COL24A1: variants seen among roughly 807,000 people sequenced by gnomAD.
COL24A1 encodes the protein collagen type XXIV alpha 1 chain.
Under a neutral mutation model 253.9 loss-of-function variants are expected in COL24A1, and 224 were observed. That is an observed-to-expected ratio of 0.88 (90% CI 0.79 to 0.99). The LOEUF (loss-of-function observed/expected upper bound fraction) is 0.99, where lower values mean the gene tolerates loss of function less well. COL24A1 is among the 50% of genes least tolerant of loss of function. The pLI, the probability that COL24A1 is intolerant of heterozygous loss-of-function variation, is 0.00. For missense variants in COL24A1, 2,131 were observed against 2,068.5 expected, an observed-to-expected ratio of 1.03 and a Z score of -0.59; for synonymous variants, 685 against 673.7, an observed-to-expected ratio of 1.02 and a Z score of -0.26.
chr1:85,924,884 C>T (rs1037453404), intron 24 of COL24A1, among the ~76,000 whole-genome samples: 2 of 152,146 alleles, frequency 1.3e-5, no homozygotes, highest in African/African-American at 2.4e-5. Context: ...GTGAAATTGT[C>T]CATGTTTGCA....
chr1:86,089,194 G>C lies in COL24A1; in HGVS notation c.1687C>G (p.Pro563Ala). 1 of 1,585,272 alleles carries C rather than the reference G, an allele frequency of 6.3e-7. No homozygotes were observed. ...DQGLSGLMGP[P>A]GMQGDKGLKG... ...CTTACCTTATCACCTTGCATACCAG[G>C]GGGGCCCATTAATCCAGAAAGGCCT... is the stretch of plus-strand genomic sequence containing the variant. Residue 563 changes from proline (P) to alanine (A), a missense_variant, in exon 7 of 60, where the codon CCT becomes GCT. Transcript: ENST00000370571.
intron 55 of COL24A1, among the ~76,000 whole-genome samples, chr1:85,747,636 A>T (rs572013343): frequency 6.6e-6 from 1 of 152,284 alleles, no homozygotes; most frequent in East Asian, 1.9e-4. Flanking sequence ...CTAAATTCTC[A>T]TATTTGTTTT....
chr1:85,911,515 A>G, intron 24 of COL24A1, 82 bp from the exon 25 acceptor site: 2 of 1,076,298 alleles, frequency 1.9e-6, no homozygotes, highest in Non-Finnish European at 2.8e-6. Flanking sequence ...ACCTGTAATC[A>G]CTATGTTTCT....
intron 43 of COL24A1, among the ~76,000 whole-genome samples, chr1:85,835,219 C>CCTCTGT (rs1388330493): frequency 4.6e-5 from 7 of 152,044 alleles, no homozygotes; most frequent in Non-Finnish European, 8.8e-5. Context: ...TCTGCCTCTG[C>CCTCTGT]CTCCCGGGTT....
chr1:86,002,001 G>A (rs567057078), intron 19 of COL24A1, among the ~76,000 whole-genome samples: 33 of 152,330 alleles, frequency 2.2e-4, no homozygotes, highest in Non-Finnish European at 4.1e-4. Context: ...CTGAAGTCAG[G>A]ACCTAATCTT....
intron 14 of COL24A1, among the ~76,000 whole-genome samples, chr1:86,027,276 G>C (rs1014160418): frequency 5.3e-5 from 8 of 152,178 alleles, no homozygotes; most frequent in Non-Finnish European, 1.2e-4. Flanking sequence ...GTAATGAGAA[G>C]CCAAGTGTTA....
At chr1:86,060,593 T>TC (rs543407936) in intron 8 of COL24A1, among the ~76,000 whole-genome samples, 1 of 152,100 alleles carries the variant, frequency 6.6e-6, no homozygotes, top group Non-Finnish European at 1.5e-5. Flanking sequence ...CTCACTTTTT[T>TC]CCCTCTCATT....
intron 10 of COL24A1, 30 bp downstream of exon 10, chr1:86,057,901 C>A: frequency 6.2e-7 from 1 of 1,604,364 alleles, no homozygotes; most frequent in Non-Finnish European, 8.5e-7. Flanking sequence ...GGCAAGCATG[C>A]TTAACAGAAT....
intron 58 of COL24A1, 121 bp downstream of exon 58, chr1:85,737,275 A>G (rs1664153495): frequency 1.7e-6 from 1 of 579,306 alleles, no homozygotes; most frequent in African/African-American, 1.9e-5. Context: ...TACACAATAG[A>G]GAATAATCTT....
chr1:86,044,681 AG>A (rs1488465003), intron 12 of COL24A1, among the ~76,000 whole-genome samples: 5 of 152,180 alleles, frequency 3.3e-5, no homozygotes, highest in African/African-American at 1.2e-4. Flanking sequence ...TAAATTCAAT[AG>A]ACTCCTGTTG....
intron 19 of COL24A1, among the ~76,000 whole-genome samples, chr1:86,003,820 T>A (rs945556064): frequency 3.3e-5 from 5 of 151,944 alleles, no homozygotes; most frequent in African/African-American, 7.3e-5. Flanking sequence ...CAGAGTCACA[T>A]GACTAGACAC....
intron 53 of COL24A1, among the ~76,000 whole-genome samples, chr1:85,768,589 G>GA (rs1405635058): frequency 6.9e-6 from 1 of 145,508 alleles, no homozygotes; most frequent in African/African-American, 2.5e-5. Context: ...CTTTTGTGCG[G>GA]GGGGAGGGCT....
chr1:86,050,238 C>A, intron 10 of COL24A1, 61 bp from the exon 11 acceptor site: 1 of 1,451,284 alleles, frequency 6.9e-7, no homozygotes, highest in Non-Finnish European at 9.6e-7. Context: ...ATAAGTGATT[C>A]TGAATAGAAG....
intron 14 of COL24A1, 44 bp downstream of exon 14, chr1:86,031,834 A>C (rs1309205957): frequency 6.6e-7 from 1 of 1,522,464 alleles, no homozygotes; most frequent in Non-Finnish European, 9.0e-7. Context: ...TAAATTGCAC[A>C]ATAAAATATT....
chr1:85,970,042 C>T (rs1339895047), intron 22 of COL24A1, among the ~76,000 whole-genome samples, 185 bp downstream of exon 22: 1 of 152,088 alleles, frequency 6.6e-6, no homozygotes, highest in Admixed American at 6.6e-5. Context: ...GTAGGCATAA[C>T]ATCATTCAAA....
At chr1:85,864,584 A>T (rs1679570676) in intron 37 of COL24A1, among the ~76,000 whole-genome samples, 1 of 152,178 alleles carries the variant, frequency 6.6e-6, no homozygotes, top group African/African-American at 2.4e-5. Flanking sequence ...TAAAAAAAGA[A>T]ACAAGAAACA....
chr1:85,867,747 C>G (rs1445450998), intron 37 of COL24A1, among the ~76,000 whole-genome samples: 1 of 151,880 alleles, frequency 6.6e-6, no homozygotes, highest in Non-Finnish European at 1.5e-5. Flanking sequence ...CTCAGTCTGT[C>G]TCTCTCTCTC....
chr1:85,917,264 C>T (rs912757120), intron 24 of COL24A1, among the ~76,000 whole-genome samples: 1 of 152,162 alleles, frequency 6.6e-6, no homozygotes, highest in East Asian at 1.9e-4. Context: ...GCAGAAGACA[C>T]ATGGGAATTA....
intron 30 of COL24A1, 46 bp downstream of exon 30, chr1:85,895,975 A>G (rs1276754439): frequency 6.3e-7 from 1 of 1,598,632 alleles, no homozygotes; most frequent in East Asian, 2.2e-5. Context: ...AAAAACAAAA[A>G]AGACTTAAAA....
Sources: gnomAD v4.1 joint callset for allele counts (sites outside exome capture counted in the v4.1 genomes callset) on GRCh38, gnomAD v4.1.1 for gene constraint, MANE v1.5 for transcripts, NCBI Gene and HGNC (gene_info 2026-07-23, HGNC 2026-07-21) for gene names.